Variants in BLACAT1 observed in about 807,000 individuals in gnomAD.
BLACAT1 encodes bladder cancer associated transcript 1.
chr1:205,454,748 G>C (rs1666542611), intron 1 of BLACAT1, among the ~76,000 whole-genome samples: 1 of 152,014 alleles, frequency 6.6e-6, no homozygotes, highest in African/African-American at 2.4e-5. Flanking sequence ...CCTCAATTCA[G>C]AGCTCTTTCA....
downstream of BLACAT1, among the ~76,000 whole-genome samples, chr1:205,439,114 C>A (rs80161252): frequency 0.027 from 4,170 of 152,276 alleles, 101 homozygotes; most frequent in East Asian, 0.07. Context: ...CCAGGAGGCT[C>A]TCTGGCCTCT....
At chr1:205,455,543 G>T (rs911843184) in intron 1 of BLACAT1, among the ~76,000 whole-genome samples, 1 of 152,190 alleles carries the variant, frequency 6.6e-6, no homozygotes, top group African/African-American at 2.4e-5. Context: ...TAAAGGAAAC[G>T]GAGGAGGCAC....
At chr1:205,445,008 CGTCTCA>C (rs1264624716) in intron 1 of BLACAT1, among the ~76,000 whole-genome samples, 1 of 152,004 alleles carries the variant, frequency 6.6e-6, no homozygotes, top group African/African-American at 2.4e-5. Flanking sequence ...CTTAGCACCG[CGTCTCA>C]GTAATTAAAA....
chr1:205,447,169 T>C (rs934641464), intron 1 of BLACAT1, among the ~76,000 whole-genome samples: 1 of 152,216 alleles, frequency 6.6e-6, no homozygotes, highest in African/African-American at 2.4e-5. Flanking sequence ...ACCACGTGGG[T>C]TCACGTCCCA....
rs143210404 is a variant in BLACAT1, at chr1:205,450,142, C to T, written c.-37+5775G>A. On this transcript the variant is annotated intron_variant, in intron 1 of 1. Transcript: ENST00000629624. This position sits in a 1 kb window ranked among gnomAD's most constrained non-coding sequence, Gnocchi z 4.4. The stretch of plus-strand genomic sequence containing the variant: ...GGGGCGGGCTGGGCAGGCGGGGCAG[C>T]CAGGTATTCCTTCAACCCTGACTTG... Among the ~76,000 whole-genome samples the T allele has an allele frequency of 0.025, 3,749 of 152,152 alleles. 88 individuals are homozygous for T. The highest frequency in any genetic ancestry group is 0.049 in the South Asian group (235 of 4,822).
rs541744258 is a variant in BLACAT1 at position 205,447,720 on chromosome 1, G to A, written c.-36-6658C>T. On this transcript the variant is annotated intron_variant, in intron 1 of 1. Coordinates refer to ENST00000629624, the Ensembl canonical transcript of BLACAT1. The stretch of plus-strand genomic sequence containing the variant: ...GCTCCTGGAGATGGTAGCACACCAG[G>A]AGCCAGGGACCCTGGAGTCCAGCCT... Among the ~76,000 whole-genome samples the A allele has an allele frequency of 1.4e-3, 212 of 150,050 alleles. 1 individual carries two copies. Among genetic ancestry groups the A allele is most frequent in the Non-Finnish European group, 2.1e-3 (139 of 67,360 alleles).
At chr1:205,453,291 C>A (rs1453899798) in intron 1 of BLACAT1, among the ~76,000 whole-genome samples, 1 of 152,170 alleles carries the variant, frequency 6.6e-6, no homozygotes, top group Non-Finnish European at 1.5e-5. Flanking sequence ...CTGCACTAGA[C>A]CAGCAGTGTG....
Position 205,450,446 on chromosome 1 carries a change from C to T in BLACAT1, c.-37+5471G>A, listed in dbSNP as rs1291144638. On this transcript the variant is annotated intron_variant, in intron 1 of 1. Coordinates refer to ENST00000629624, the Ensembl canonical transcript of BLACAT1. This position sits in a 1 kb window ranked among gnomAD's most constrained non-coding sequence, Gnocchi z 4.4. ...CTCCCTGCAGGCCCCCCTCTCCTGCCTGGCCCCCCTCCCCTTCTCCGCAGC... is the reference window on the plus strand; with the variant it reads ...CTCCCTGCAGGCCCCCCTCTCCTGCTTGGCCCCCCTCCCCTTCTCCGCAGC... Among the ~76,000 whole-genome samples, 1 of 151,140 alleles carries T rather than the reference C, an allele frequency of 6.6e-6. No homozygotes were observed. The highest frequency in any genetic ancestry group is 1.5e-5 in the Non-Finnish European group (1 of 67,726).
exon 2 of BLACAT1, among the ~76,000 whole-genome samples, chr1:205,440,452 A>C (rs1298045441): frequency 6.6e-6 from 1 of 152,158 alleles, no homozygotes; most frequent in Admixed American, 6.5e-5. Flanking sequence ...AGAGTCTCAC[A>C]CTTCCGCCCT....
exon 2 of BLACAT1, among the ~76,000 whole-genome samples, chr1:205,440,279 A>C (rs1666270789): frequency 6.6e-6 from 1 of 152,150 alleles, no homozygotes; most frequent in South Asian, 2.1e-4. Flanking sequence ...TGGAGGAAAC[A>C]CTGCTTTCTG....
At position 205,448,295 on chromosome 1, in the gene BLACAT1, A is replaced by G. The variant is rs1375654263; in HGVS notation, c.-36-7233T>C. Reference sequence around the variant, plus strand: ...GGTCCCATGGGAGGTGCAGCTGCGCAGGAGAAGGAGCTCGCCCCTCACTGT... The same window carrying G: ...GGTCCCATGGGAGGTGCAGCTGCGCGGGAGAAGGAGCTCGCCCCTCACTGT... On this transcript the variant is annotated intron_variant, in intron 1 of 1. Transcript: ENST00000629624. This position sits in a 1 kb window ranked among gnomAD's most constrained non-coding sequence, Gnocchi z 4.7. The G allele has an allele frequency of 1.9e-6, 1 of 527,204 alleles. No homozygotes were observed. The highest frequency in any genetic ancestry group is 3.9e-6 in the Non-Finnish European group (1 of 254,066). The allele number at this position is 527,204 out of a possible 1,614,324, so 32.7% of individuals were successfully genotyped here.
At position 205,446,015 on chromosome 1, in the gene BLACAT1, T is replaced by C. The variant is rs532156583; in HGVS notation, c.-36-4953A>G. On this transcript the variant is annotated intron_variant, in intron 1 of 1. Coordinates refer to ENST00000629624, the Ensembl canonical transcript of BLACAT1. Reference sequence around the variant, plus strand: ...GCCCACTCTCGCAAGGGAGGCCTTATGCTGGGTATATCTGAGGACTGTAAA... The same window carrying C: ...GCCCACTCTCGCAAGGGAGGCCTTACGCTGGGTATATCTGAGGACTGTAAA... Among the ~76,000 whole-genome samples, 100 of 152,340 alleles carry C rather than the reference T, an allele frequency of 6.6e-4. 1 individual carries two copies. The highest frequency in any genetic ancestry group is 2.4e-3 in the African/African-American group (99 of 41,582).
chr1:205,444,809 G>A (rs1344307173), intron 1 of BLACAT1, among the ~76,000 whole-genome samples: 1 of 151,808 alleles, frequency 6.6e-6, no homozygotes, highest in East Asian at 1.9e-4. Context: ...GGGATATTGC[G>A]CCCCCCACGA....
intron 1 of BLACAT1, among the ~76,000 whole-genome samples, chr1:205,446,404 G>A (rs1485948362): frequency 1.3e-5 from 2 of 152,146 alleles, no homozygotes; most frequent in Admixed American, 6.5e-5. Context: ...CTCCCAGTTC[G>A]TACTTCATTC....
chr1:205,438,513 G>A (rs1666243445), downstream of BLACAT1, among the ~76,000 whole-genome samples: 1 of 152,258 alleles, frequency 6.6e-6, no homozygotes, highest in African/African-American at 2.4e-5. Context: ...CTAGAGGAGG[G>A]CACAGGTGTC....
intron 1 of BLACAT1, among the ~76,000 whole-genome samples, chr1:205,447,889 C>A (rs562141042): frequency 6.6e-6 from 1 of 152,340 alleles, no homozygotes; most frequent in African/African-American, 2.4e-5. Context: ...AGATTCCAAG[C>A]TGACCTCAGA....
At chr1:205,454,423 G>A (rs372558156) in intron 1 of BLACAT1, among the ~76,000 whole-genome samples, 1 of 151,912 alleles carries the variant, frequency 6.6e-6, no homozygotes, top group Non-Finnish European at 1.5e-5. Context: ...GTGTGTGTGG[G>A]GTGCGTGGGA....
intron 1 of BLACAT1, among the ~76,000 whole-genome samples, chr1:205,447,226 C>A (rs1056212568): frequency 6.6e-6 from 1 of 152,204 alleles, no homozygotes; most frequent in Admixed American, 6.5e-5. Flanking sequence ...TTTCTTAGCT[C>A]CCTGTGCCTC....
intron 1 of BLACAT1, among the ~76,000 whole-genome samples, chr1:205,444,801 G>C (rs1002256927): frequency 3.9e-5 from 6 of 152,026 alleles, no homozygotes; most frequent in Admixed American, 2.0e-4. Context: ...CAAGAAGAGG[G>C]ATATTGCGCC....
Sources: gnomAD v4.1 joint callset for allele counts (sites outside exome capture counted in the v4.1 genomes callset) on GRCh38, gnomAD v4.1.1 for gene constraint, Gnocchi (gnomAD v3.1) non-coding constraint, MANE v1.5 for transcripts, NCBI Gene and HGNC (gene_info 2026-07-23, HGNC 2026-07-21) for gene names.